The following PHEX variants were observed in gnomAD, a reference collection of about 807,000 sequenced individuals.
The protein encoded by PHEX is phosphate regulating endopeptidase X-linked.
In PHEX, 16 loss-of-function variants were observed where a neutral mutation model predicts 68.0. The ratio of observed to expected loss-of-function variants is 0.24; its 90% CI spans 0.16 to 0.36. PHEX has a LOEUF of 0.36. Among genes scored for constraint, PHEX ranks in the 10% least tolerant of loss-of-function variants. PHEX has a pLI of 1.00. For synonymous variants in PHEX, 208 were observed against 205.1 expected, an observed-to-expected ratio of 1.01 and a Z score of -0.12; for missense variants, 480 against 575.5, an observed-to-expected ratio of 0.83 and a Z score of 1.70.
chrX:22,219,031 C>T lies in PHEX; in HGVS notation c.1701-5C>T, dbSNP rs747397740. The T allele has an allele frequency of 8.8e-7, 1 of 1,133,525 alleles. No homozygotes were observed. Among genetic ancestry groups the T allele is most frequent in the Non-Finnish European group, 1.2e-6 (1 of 824,593 alleles). The allele number at this position is 1,133,525 out of a possible 1,213,427, so 93.4% of individuals were successfully genotyped here. ...TTGTCTCCAAATTATGTATTAATGCCATAGATCTCTGAGTTATGGTGCTAT... is the reference window on the plus strand; with the variant it reads ...TTGTCTCCAAATTATGTATTAATGCTATAGATCTCTGAGTTATGGTGCTAT... On this transcript the variant is annotated splice_polypyrimidine_tract_variant and splice_region_variant and intron_variant, in intron 16 of 21. Coordinates refer to ENST00000379374, the MANE Select transcript of PHEX (RefSeq NM_000444.6).
chrX:22,130,114 C>G (rs1931921528), intron 11 of PHEX, among the ~76,000 whole-genome samples: 1 of 111,861 alleles, frequency 8.9e-6, no homozygotes, highest in African/African-American at 3.3e-5. Flanking sequence ...TTGGTTTGGT[C>G]TCTAAATCTC....
intron 11 of PHEX, among the ~76,000 whole-genome samples, chrX:22,122,407 G>T (rs990104001): frequency 9.0e-5 from 10 of 110,999 alleles, no homozygotes; most frequent in African/African-American, 2.6e-4. Flanking sequence ...ATGATGATTT[G>T]GTTTTTTAAG....
At chrX:22,105,408 C>A (rs1327241151) in intron 9 of PHEX, among the ~76,000 whole-genome samples, 3 of 112,073 alleles carry the variant, frequency 2.7e-5, no homozygotes, top group East Asian at 5.6e-4. Context: ...GGCCCCCCAC[C>A]CCACAGATTC....
chrX:22,126,633 A>G (rs1244227861), intron 11 of PHEX, among the ~76,000 whole-genome samples: 1 of 111,229 alleles, frequency 9.0e-6, no homozygotes, highest in Non-Finnish European at 1.9e-5. Flanking sequence ...GGAGCATCTC[A>G]TTAAAGTAAA....
chrX:22,188,635 T>C (rs910571278), intron 14 of PHEX, among the ~76,000 whole-genome samples: 2 of 112,229 alleles, frequency 1.8e-5, no homozygotes, highest in Admixed American at 9.5e-5. Flanking sequence ...TGTTGGTACG[T>C]AGTAGTTGTA....
intron 13 of PHEX, among the ~76,000 whole-genome samples, chrX:22,177,183 G>A (rs893574010): frequency 3.6e-5 from 4 of 111,517 alleles, no homozygotes. Flanking sequence ...ACAAGTAGGT[G>A]ACTGTCGAGC....
chrX:22,125,076 A>G (rs1201686631), intron 11 of PHEX, among the ~76,000 whole-genome samples: 1 of 112,015 alleles, frequency 8.9e-6, no homozygotes, highest in East Asian at 2.8e-4. Flanking sequence ...ATAAATAGTT[A>G]TAGTATAAGT....
rs947338036 is a variant in PHEX, at chrX:22,250,469, T to G, written c.*2516T>G. The G allele has an allele frequency of 2.7e-5, 3 of 111,967 alleles. No homozygotes were observed. The allele number at this position is 111,967 out of a possible 1,213,427, so 9.2% of individuals were successfully genotyped here. On this transcript the variant is annotated 3_prime_UTR_variant, in exon 22 of 22. Coordinates refer to ENST00000379374, the MANE Select transcript of PHEX (RefSeq NM_000444.6). ...GGTAAATTAAAAGGATATTAGATATTGGATCTCAGACTAGGGCTGCTATAA... is the reference window on the plus strand; with the variant it reads ...GGTAAATTAAAAGGATATTAGATATGGGATCTCAGACTAGGGCTGCTATAA...
At position 22,249,452 on chromosome X, in the gene PHEX, A is replaced by AT. The variant is rs1452010056; in HGVS notation, c.*1499_*1500insT. The AT allele has an allele frequency of 1.6e-3, 64 of 40,589 alleles. No individual in the cohort carries two copies. The highest frequency in any genetic ancestry group is 6.6e-3 in the South Asian group (5 of 759). 3.3% of individuals were successfully genotyped at this position (40,589 alleles called of 1,213,427 possible). A position where few individuals can be genotyped will look rare whatever the true frequency, so the allele number is the denominator to read the frequency against. On this transcript the variant is annotated 3_prime_UTR_variant, in exon 22 of 22. Transcript: ENST00000379374. ...GATTTGTGATTCTTTTAAAAAAAAA[A>AT]AAAATATATATATATATATATATAT...
In PHEX at chrX:22,114,556, T is replaced by A; in HGVS notation, c.1272T>A (p.Asp424Glu). ...LPYVVGKMFV[D>E]VYFQEDKKEM... ...ATGTTGTTGGAAAGATGTTTGTAGATGTGTACTTCCAGGAAGATAAGAAGG... is the reference window on the plus strand; with the variant it reads ...ATGTTGTTGGAAAGATGTTTGTAGAAGTGTACTTCCAGGAAGATAAGAAGG... Residue 424 changes from aspartate (D) to glutamate (E), a missense_variant, in exon 11 of 22, where the codon GAT becomes GAA. Coordinates refer to ENST00000379374, the MANE Select transcript of PHEX (RefSeq NM_000444.6). 5.0e-6 allele frequency: 6 copies of A among 1,204,353 alleles called. No homozygotes were observed. The highest frequency in any genetic ancestry group is 6.7e-6 in the Non-Finnish European group (6 of 888,896).
At chrX:22,232,398 A>G (rs1003787185) in intron 20 of PHEX, among the ~76,000 whole-genome samples, 1 of 109,806 alleles carries the variant, frequency 9.1e-6, no homozygotes, top group African/African-American at 3.3e-5. Context: ...ATTGTGTCGG[A>G]GTCTAAGTCT....
chrX:22,047,277 T>G, intron 3 of PHEX, 66 bp downstream of exon 3: 2 of 963,369 alleles, frequency 2.1e-6, no homozygotes, highest in Admixed American at 2.2e-5. Context: ...AAAAACATAG[T>G]TTGGGATTTG....
Position 22,249,455 on chromosome X carries a change from A to AAAAAAATATAT in PHEX, c.*1503_*1504insAAAAATATATA. ...TTGTGATTCTTTTAAAAAAAAAAAA[A>AAAAAAATATAT]ATATATATATATATATATATATATA... On this transcript the variant is annotated 3_prime_UTR_variant, in exon 22 of 22. Coordinates refer to ENST00000379374, the MANE Select transcript of PHEX (RefSeq NM_000444.6). 1.1e-3 allele frequency: 45 copies of AAAAAAATATAT among 39,748 alleles called. No individual in the cohort carries two copies. Among genetic ancestry groups the AAAAAAATATAT allele is most frequent in the Non-Finnish European group, 1.5e-3 (37 of 24,465 alleles). 3.3% of individuals were successfully genotyped at this position (39,748 alleles called of 1,213,427 possible). A position where few individuals can be genotyped will look rare whatever the true frequency, so the allele number is the denominator to read the frequency against.
At chrX:22,241,351 A>T (rs1484338098) in intron 20 of PHEX, among the ~76,000 whole-genome samples, 1 of 112,097 alleles carries the variant, frequency 8.9e-6, no homozygotes, top group Non-Finnish European at 1.9e-5. Flanking sequence ...ACACCCTAAC[A>T]TCACAATTAA....
intron 3 of PHEX, among the ~76,000 whole-genome samples, chrX:22,073,635 GTTTTTTTTTTTTTT>G (rs1182752837): frequency 4.7e-4 from 25 of 53,214 alleles, no homozygotes; most frequent in South Asian, 2.2e-3. Flanking sequence ...CTGTGCTATA[GTTTTTTTTTTTTTT>G]TTTTTTTTTT....
chrX:22,191,187 AT>A (rs887081220), intron 15 of PHEX, among the ~76,000 whole-genome samples: 1 of 110,096 alleles, frequency 9.1e-6, no homozygotes, highest in Non-Finnish European at 1.9e-5. Flanking sequence ...GCCCAGCTAA[AT>A]TTTTTTTATT....
intron 11 of PHEX, among the ~76,000 whole-genome samples, chrX:22,131,193 C>T (rs748392933): frequency 2.4e-4 from 27 of 110,368 alleles, no homozygotes; most frequent in Non-Finnish European, 3.8e-4. Flanking sequence ...GCGCCTGCTA[C>T]TACACCCAGC....
intron 13 of PHEX, chrX:22,171,602 C>G (rs1329196887): frequency 9.1e-6 from 1 of 109,962 alleles, no homozygotes; most frequent in African/African-American, 3.3e-5. Flanking sequence ...ACAGGAGTCG[C>G]AGCTGTGTAC....
At chrX:22,073,682 C>T (rs73462611) in intron 3 of PHEX, among the ~76,000 whole-genome samples, 973 of 97,233 alleles carry the variant, frequency 0.01, 15 homozygotes, top group African/African-American at 0.036. Flanking sequence ...CTTTGTCGCC[C>T]ACGCTGGAGT....
Sources: allele counts gnomAD v4.1 joint callset (sites outside exome capture counted in the v4.1 genomes callset), GRCh38; gene constraint gnomAD v4.1.1; transcripts MANE v1.5; gene names NCBI Gene and HGNC (gene_info 2026-07-23, HGNC 2026-07-21).